ANK3: variants seen among roughly 807,000 people sequenced by gnomAD.
The protein encoded by ANK3 is ankyrin-3.
In ANK3, 57 loss-of-function variants were observed where a neutral mutation model predicts 370.9. The ratio of observed to expected loss-of-function variants is 0.15; its 90% CI spans 0.12 to 0.19. The LOEUF is 0.19. Ranked by LOEUF, ANK3 falls within the 10% of genes least tolerant of loss-of-function variation. The pLI, the probability that ANK3 is intolerant of heterozygous loss-of-function variation, is 1.00. For synonymous variants in ANK3, 1,929 were observed against 1,946.3 expected (o/e 0.99, Z 0.23); for missense variants, 4,439 against 5,302.1 (o/e 0.84, Z 5.06).
intron 1 of ANK3, among the ~76,000 whole-genome samples, chr10:60,298,986 T>C (rs1257894232): frequency 1.3e-5 from 2 of 152,190 alleles, no homozygotes; most frequent in South Asian, 2.1e-4. Flanking sequence ...AAGTTTTGGA[T>C]GGGTAAGTTG....
At chr10:60,568,857 G>T (rs1288624190) in intron 2 of ANK3, among the ~76,000 whole-genome samples, 1 of 152,168 alleles carries the variant, frequency 6.6e-6, no homozygotes, top group African/African-American at 2.4e-5. Flanking sequence ...TAAAAGAAGA[G>T]CAAAAGATGC....
At chr10:60,572,013 G>A (rs898386566) in intron 2 of ANK3, among the ~76,000 whole-genome samples, 2 of 152,130 alleles carry the variant, frequency 1.3e-5, no homozygotes, top group Admixed American at 6.5e-5. Context: ...CCTCCATGCT[G>A]TAATTTTAAA....
chr10:60,314,671 T>G (rs1157282618), intron 1 of ANK3, among the ~76,000 whole-genome samples: 3 of 152,180 alleles, frequency 2.0e-5, no homozygotes, highest in Non-Finnish European at 4.4e-5. Flanking sequence ...GAAAATTTTA[T>G]GCAGAAAGTG....
chr10:60,225,471 C>T (rs1180193931), intron 8 of ANK3, among the ~76,000 whole-genome samples: 1 of 152,138 alleles, frequency 6.6e-6, no homozygotes, highest in African/African-American at 2.4e-5. Context: ...ATGGCAAGTA[C>T]ATAGAGTAAA....
intron 2 of ANK3, among the ~76,000 whole-genome samples, chr10:60,445,040 G>A (rs75234697): frequency 1.6e-4 from 25 of 152,246 alleles, no homozygotes; most frequent in African/African-American, 5.1e-4. Context: ...TTTAATAAAC[G>A]ATTTTGGAGT....
At chr10:60,157,868 C>CAG (rs1266255082) in intron 23 of ANK3, among the ~76,000 whole-genome samples, 4 of 118,388 alleles carry the variant, frequency 3.4e-5, no homozygotes, top group African/African-American at 1.2e-4. Context: ...AATGGAGAGA[C>CAG]AGAGAGAGAG....
rs537576849 is a variant in ANK3 at position 60,343,797 on chromosome 10, A to G, written c.114+45628T>C. On this transcript the variant is annotated intron_variant, in intron 1 of 43. Coordinates refer to ENST00000280772, the MANE Select transcript of ANK3 (RefSeq NM_020987.5). Reference sequence around the variant, plus strand: ...GTCGTGTTGAACTCCAGCATACATGACAGTCACCTGGAGGGCTTGTGGAAA... The same window carrying G: ...GTCGTGTTGAACTCCAGCATACATGGCAGTCACCTGGAGGGCTTGTGGAAA... Among the ~76,000 whole-genome samples, 7 of 152,262 alleles carry G rather than the reference A, an allele frequency of 4.6e-5. No individual in the cohort carries two copies. The East Asian group carries it at 9.7e-4, about 21-fold the overall frequency.
intron 2 of ANK3, among the ~76,000 whole-genome samples, chr10:60,562,793 A>G (rs2133251698): frequency 6.6e-6 from 1 of 152,322 alleles, no homozygotes; most frequent in South Asian, 2.1e-4. Context: ...AAACTTAAAA[A>G]AAATTAAAGT....
intron 1 of ANK3, among the ~76,000 whole-genome samples, chr10:60,691,999 T>C (rs1007285752): frequency 6.6e-6 from 1 of 152,188 alleles, no homozygotes; most frequent in African/African-American, 2.4e-5. Context: ...TGGTAATGAA[T>C]ATGCCAAGTA....
At chr10:60,219,138 T>G (rs952114886) in intron 8 of ANK3, among the ~76,000 whole-genome samples, 1 of 152,078 alleles carries the variant, frequency 6.6e-6, no homozygotes, top group Non-Finnish European at 1.5e-5. Context: ...TGAGGTCATT[T>G]ATGTTCCTCT....
chr10:60,057,525 C>T (rs2079448560), intron 41 of ANK3, among the ~76,000 whole-genome samples: 1 of 152,106 alleles, frequency 6.6e-6, no homozygotes, highest in Non-Finnish European at 1.5e-5. Flanking sequence ...TAAGGATAAA[C>T]AATCCAAGCA....
chr10:60,522,115 C>T (rs2133183474), intron 2 of ANK3, among the ~76,000 whole-genome samples: 1 of 152,158 alleles, frequency 6.6e-6, no homozygotes, highest in East Asian at 1.9e-4. Flanking sequence ...CAGAAATAAA[C>T]CACATGCCTA....
At chr10:60,552,919 A>G (rs529144379) in intron 2 of ANK3, among the ~76,000 whole-genome samples, 1 of 152,258 alleles carries the variant, frequency 6.6e-6, no homozygotes, top group Admixed American at 6.5e-5. Flanking sequence ...GTTTCTCTGC[A>G]CAAGCTCTCT....
intron 2 of ANK3, chr10:60,572,833 T>A: frequency 1.8e-6 from 2 of 1,124,630 alleles, no homozygotes; most frequent in Non-Finnish European, 2.2e-6. Flanking sequence ...TGAGATAAGG[T>A]CCTGACAAGA....
chr10:60,696,099 T>C (rs2079445028), intron 1 of ANK3, among the ~76,000 whole-genome samples: 1 of 150,504 alleles, frequency 6.6e-6, no homozygotes, highest in African/African-American at 2.5e-5. Flanking sequence ...AAATACAAAC[T>C]ACCATCAGAG....
intron 36 of ANK3, among the ~76,000 whole-genome samples, chr10:60,077,433 C>T (rs972191825): frequency 6.6e-6 from 1 of 152,110 alleles, no homozygotes; most frequent in African/African-American, 2.4e-5. Flanking sequence ...TAATACAATT[C>T]GTATGCCATA....
In ANK3 at chr10:60,400,564, G is replaced by A. The variant is rs141174368; in HGVS notation, c.97-120925C>T. 3.0e-3 allele frequency among the ~76,000 whole-genome samples: 458 copies of A among 151,994 alleles called. 2 individuals are homozygous for A. Among genetic ancestry groups the A allele is most frequent in the African/African-American group, 0.01 (434 of 41,488 alleles). ...CTTGGGGATAAGCAGATCATTCCAA[G>A]GTTTTTTTTTTACATTACAATAAAA... On this transcript the variant is annotated intron_variant, in intron 2 of 43. Transcript: ENST00000373827.
At chr10:60,114,643 A>G (rs890612791) in intron 25 of ANK3, among the ~76,000 whole-genome samples, 11 of 152,250 alleles carry the variant, frequency 7.2e-5, no homozygotes, top group Non-Finnish European at 1.2e-4. Flanking sequence ...ATGTCTTCAA[A>G]TTAATCCTAT....
At chr10:60,280,069 C>A (rs967114552) in intron 1 of ANK3, among the ~76,000 whole-genome samples, 3 of 152,070 alleles carry the variant, frequency 2.0e-5, no homozygotes, top group African/African-American at 7.2e-5. Flanking sequence ...TGGCATTATT[C>A]TTTTTCTTCT....
Sources: allele counts gnomAD v4.1 joint callset (sites outside exome capture counted in the v4.1 genomes callset), GRCh38; gene constraint gnomAD v4.1.1; transcripts MANE v1.5; gene names NCBI Gene and HGNC (gene_info 2026-07-23, HGNC 2026-07-21).